Variants in CYP7B1 observed in about 807,000 individuals in gnomAD.
The protein encoded by CYP7B1 is cytochrome P450 family 7 subfamily B member 1, also known as cytochrome P450 7B1.
Under a neutral mutation model 42.7 loss-of-function variants are expected in CYP7B1, and 29 were observed. The ratio of observed to expected loss-of-function variants is 0.68; its 90% CI spans 0.51 to 0.93. CYP7B1 has a LOEUF of 0.93. CYP7B1 is among the 40% of genes least tolerant of loss of function. The pLI, the probability that CYP7B1 is intolerant of heterozygous loss-of-function variation, is 0.00. For missense variants in CYP7B1, 655 were observed against 600.5 expected (o/e 1.09, Z -0.95); for synonymous variants, 235 against 218.2 (o/e 1.08, Z -0.68).
At chr8:64,616,687 T>C (rs557797596) in intron 2 of CYP7B1, among the ~76,000 whole-genome samples, 13 of 152,296 alleles carry the variant, frequency 8.5e-5, no homozygotes, top group Non-Finnish European at 1.9e-4. Flanking sequence ...TTATACTTCA[T>C]AAAGAGCTTT....
chr8:64,736,685 G>A (rs1419647041), intron 1 of CYP7B1, among the ~76,000 whole-genome samples: 12 of 151,948 alleles, frequency 7.9e-5, no homozygotes, highest in African/African-American at 2.4e-4. Context: ...TCCTGACCTC[G>A]TGATCCTCCC....
downstream of CYP7B1, among the ~76,000 whole-genome samples, chr8:64,588,273 T>C (rs1469144329): frequency 1.3e-5 from 2 of 152,210 alleles, no homozygotes; most frequent in Non-Finnish European, 2.9e-5. Context: ...GAAAAACTAA[T>C]GGCAGCCATA....
chr8:64,683,270 T>A (rs1392113517), intron 1 of CYP7B1, among the ~76,000 whole-genome samples: 3 of 152,242 alleles, frequency 2.0e-5, no homozygotes, highest in African/African-American at 7.2e-5. Flanking sequence ...TTAAAAAGAA[T>A]GAGATCCTGT....
chr8:64,686,287 G>A (rs867881181), intron 1 of CYP7B1, among the ~76,000 whole-genome samples: 1 of 29,162 alleles, frequency 3.4e-5, no homozygotes, highest in Non-Finnish European at 7.4e-5. Context: ...TGGGGGGGTC[G>A]GCCCCCCACC....
intron 5 of CYP7B1, among the ~76,000 whole-genome samples, chr8:64,600,794 A>G (rs1300831811): frequency 2.0e-5 from 3 of 152,172 alleles, no homozygotes; most frequent in Non-Finnish European, 4.4e-5. Context: ...GCACACTGCT[A>G]GTTCCAATAT....
At chr8:64,783,121 A>C (rs1416463798) in intron 1 of CYP7B1, among the ~76,000 whole-genome samples, 2 of 152,198 alleles carry the variant, frequency 1.3e-5, no homozygotes, top group African/African-American at 4.8e-5. Flanking sequence ...AATAGAAAAT[A>C]ACTTTACTCT....
chr8:64,786,151 TCA>T (rs1168516070), intron 1 of CYP7B1, among the ~76,000 whole-genome samples: 1 of 152,082 alleles, frequency 6.6e-6, no homozygotes, highest in African/African-American at 2.4e-5. Context: ...CCAAACCATA[TCA>T]TTCTTCTGCT....
chr8:64,734,937 A>G (rs1052159648), intron 1 of CYP7B1, among the ~76,000 whole-genome samples: 1 of 152,180 alleles, frequency 6.6e-6, no homozygotes, highest in Non-Finnish European at 1.5e-5. Context: ...ATATTTTAGG[A>G]CAATAGGCTC....
rs568923630 is a variant in CYP7B1, at chr8:64,653,095, G to A, written c.123-28556C>T. 3.9e-5 allele frequency among the ~76,000 whole-genome samples: 6 copies of A among 152,162 alleles called. No individual in the cohort carries two copies. The South Asian group carries it at 6.2e-4, about 16-fold the overall frequency. On this transcript the variant is annotated intron_variant, in intron 1 of 5. Transcript: ENST00000310193. ...TAACATCACAACTGAAAGAATTAGG[G>A]AAGCAAGAGCAAATTAACCCCAAAG... is the stretch of plus-strand genomic sequence containing the variant.
At chr8:64,698,132 G>T (rs1021017989) in intron 1 of CYP7B1, among the ~76,000 whole-genome samples, 1 of 152,158 alleles carries the variant, frequency 6.6e-6, no homozygotes, top group African/African-American at 2.4e-5. Context: ...CCTAACACAT[G>T]ATGGGTGATA....
chr8:64,608,124 A>T (rs1805310604), intron 4 of CYP7B1, among the ~76,000 whole-genome samples: 1 of 152,234 alleles, frequency 6.6e-6, no homozygotes, highest in Non-Finnish European at 1.5e-5. Flanking sequence ...AATTATTTTG[A>T]TTAAGTATCC....
downstream of CYP7B1, among the ~76,000 whole-genome samples, chr8:64,587,043 C>A (rs574915227): frequency 6.6e-6 from 1 of 152,322 alleles, no homozygotes; most frequent in Admixed American, 6.5e-5. Context: ...CTCTTCTGAT[C>A]GACTGGTGTT....
In CYP7B1 at chr8:64,596,531, C is replaced by A. The variant is rs140646421; in HGVS notation, c.*111G>T. Reference sequence around the variant, plus strand: ...TGATATCAGATCAAATAGAAATTAGCGCTTTTTAAACAAATAAATCAATTA... The same window carrying A: ...TGATATCAGATCAAATAGAAATTAGAGCTTTTTAAACAAATAAATCAATTA... On this transcript the variant is annotated 3_prime_UTR_variant, in exon 6 of 6. Transcript: ENST00000310193. 2 of 1,118,104 alleles carry A rather than the reference C, an allele frequency of 1.8e-6. No homozygotes were observed. The highest frequency in any genetic ancestry group is 2.5e-6 in the Non-Finnish European group (2 of 785,212). 69.3% of individuals were successfully genotyped at this position (1,118,104 alleles called of 1,614,324 possible).
At chr8:64,745,776 C>G (rs928431967) in intron 1 of CYP7B1, among the ~76,000 whole-genome samples, 1 of 152,126 alleles carries the variant, frequency 6.6e-6, no homozygotes, top group South Asian at 2.1e-4. Context: ...CTTTTCAGAT[C>G]AATATGATTG....
chr8:64,737,648 C>T (rs1807509686), intron 1 of CYP7B1, among the ~76,000 whole-genome samples: 1 of 152,168 alleles, frequency 6.6e-6, no homozygotes, highest in African/African-American at 2.4e-5. Context: ...AACTGCATTG[C>T]CTGAAAATAT....
At chr8:64,680,500 G>A (rs988057132) in intron 1 of CYP7B1, among the ~76,000 whole-genome samples, 1 of 152,136 alleles carries the variant, frequency 6.6e-6, no homozygotes. Context: ...CAGACCTTCT[G>A]TGTCCTGTGG....
At chr8:64,719,274 A>G (rs1373157893) in intron 1 of CYP7B1, among the ~76,000 whole-genome samples, 1 of 152,168 alleles carries the variant, frequency 6.6e-6, no homozygotes, top group Non-Finnish European at 1.5e-5. Flanking sequence ...ATATTTCTAA[A>G]ATTTACATCA....
chr8:64,791,037 T>C (rs908051623), intron 1 of CYP7B1, among the ~76,000 whole-genome samples: 1 of 152,132 alleles, frequency 6.6e-6, no homozygotes, highest in African/African-American at 2.4e-5. Flanking sequence ...TGATATAACA[T>C]AGAGTCCAGA....
At chr8:64,680,137 C>T (rs1268383329) in intron 1 of CYP7B1, among the ~76,000 whole-genome samples, 5 of 151,938 alleles carry the variant, frequency 3.3e-5, no homozygotes, top group African/African-American at 1.2e-4. Context: ...ATTCTACCTA[C>T]AAGTGAGATC....
Sources: allele counts gnomAD v4.1 joint callset (sites outside exome capture counted in the v4.1 genomes callset), GRCh38; gene constraint gnomAD v4.1.1; transcripts MANE v1.5; gene names NCBI Gene and HGNC (gene_info 2026-07-23, HGNC 2026-07-21).